The following IKZF2 variants were observed in gnomAD, a reference collection of about 807,000 sequenced individuals.
IKZF2 encodes IKAROS family zinc finger 2, also known as zinc finger protein Helios.
IKZF2 carries 15 observed loss-of-function variants against 49.2 expected under a neutral mutation model. The ratio of observed to expected loss-of-function variants is 0.30; its 90% CI spans 0.20 to 0.47. IKZF2 has a LOEUF of 0.47. IKZF2 is among the 20% of genes least tolerant of loss of function. The pLI is 1.00. For synonymous variants in IKZF2, 227 were observed against 221.4 expected (o/e 1.03, Z -0.23); for missense variants, 567 against 664.6 (o/e 0.85, Z 1.61).
chr2:213,147,511 A>G (rs372100944), intron 4 of IKZF2, 197 bp downstream of exon 4: 1 of 675,998 alleles, frequency 1.5e-6, no homozygotes, highest in South Asian at 1.6e-5. Context: ...CCACCTTGGG[A>G]TAGTTCAGAC....
At chr2:213,126,966 A>G (rs1220842659) in intron 4 of IKZF2, among the ~76,000 whole-genome samples, 1 of 152,228 alleles carries the variant, frequency 6.6e-6, no homozygotes, top group Non-Finnish European at 1.5e-5. Flanking sequence ...CAGCCCATAC[A>G]GCATTCTGAC....
At chr2:213,080,451 G>T (rs531218411) in intron 4 of IKZF2, among the ~76,000 whole-genome samples, 6 of 152,116 alleles carry the variant, frequency 3.9e-5, no homozygotes, top group Non-Finnish European at 5.9e-5. Context: ...ATCAATCAAT[G>T]AATGGGGGAG....
chr2:213,102,753 T>C (rs954017660), intron 4 of IKZF2, among the ~76,000 whole-genome samples: 1 of 152,082 alleles, frequency 6.6e-6, no homozygotes, highest in Non-Finnish European at 1.5e-5. Context: ...CTATTCTTCT[T>C]GTCATATTTC....
rs554228275 is a variant in IKZF2, at chr2:213,060,353, G to A, written c.140-3254C>T. 2.0e-5 allele frequency among the ~76,000 whole-genome samples: 3 copies of A among 151,138 alleles called. No individual in the cohort carries two copies. In the South Asian group the frequency reaches 6.2e-4, roughly 31 times the overall value. On this transcript the variant is annotated intron_variant, in intron 4 of 8. Transcript: ENST00000434687. ...ATATAAGACTTTTGTTATAATATTC[G>A]TAGCTACACTATATGATGCCACAAC...
chr2:213,030,150 T>C (rs942190098), intron 6 of IKZF2, among the ~76,000 whole-genome samples: 3 of 152,140 alleles, frequency 2.0e-5, no homozygotes, highest in Non-Finnish European at 4.4e-5. Context: ...GTTTAGAGGT[T>C]TTACATTTTC....
At chr2:213,040,554 C>A (rs973404505) in intron 6 of IKZF2, among the ~76,000 whole-genome samples, 7 of 151,974 alleles carry the variant, frequency 4.6e-5, no homozygotes, top group African/African-American at 1.7e-4. Context: ...TTAGAAAAAA[C>A]ATGTAATTCT....
chr2:213,075,329 G>C (rs16849666), intron 4 of IKZF2, among the ~76,000 whole-genome samples: 7,394 of 152,154 alleles, frequency 0.049, 314 homozygotes, highest in African/African-American at 0.12. Context: ...CTTCAAATTA[G>C]GGTATCAGCT....
rs1188193323 is a variant in IKZF2 at position 213,007,622 on chromosome 2, T to A, written c.1319A>T (p.Asp440Val). 1.2e-6 allele frequency: 2 copies of A among 1,613,752 alleles called. No individual in the cohort carries two copies. Among genetic ancestry groups the A allele is most frequent in the Non-Finnish European group, 1.7e-6 (2 of 1,179,760 alleles). The change falls in exon 9 of 9, where the codon GAT becomes GTT. Residue 440 changes from aspartate (D) to valine (V), a missense_variant. Asp to Val is a radical substitution (Grantham distance 152). This residue lies in a region of IKZF2 where 310 missense variants were observed against 326.9 expected (regional missense o/e 0.95). Coordinates refer to ENST00000434687, the MANE Select transcript of IKZF2 (RefSeq NM_001387220.1). ...CTTGGTAGTATCCAAAGCTTTGACA[T>A]CCTCCTTCATGTAAGCTGGGCTTTG... Reference protein sequence around the residue: ...RKQSPAYMKEDVKALDTTKAP... With the variant: ...RKQSPAYMKEVVKALDTTKAP...
intron 7 of IKZF2, chr2:213,021,471 T>C (rs1294751633): frequency 4.5e-6 from 1 of 221,940 alleles, no homozygotes; most frequent in Non-Finnish European, 8.9e-6. Context: ...CTACCTGCCG[T>C]AGTGTATTTA....
chr2:213,025,938 C>A (rs1262164523), intron 6 of IKZF2, among the ~76,000 whole-genome samples: 1 of 152,142 alleles, frequency 6.6e-6, no homozygotes, highest in African/African-American at 2.4e-5. Flanking sequence ...CAATCAACGT[C>A]CTAGTTCAGG....
intron 4 of IKZF2, among the ~76,000 whole-genome samples, chr2:213,120,265 A>G (rs1292406960): frequency 6.6e-6 from 1 of 152,246 alleles, no homozygotes; most frequent in Non-Finnish European, 1.5e-5. Flanking sequence ...GAATACTATA[A>G]TAGATACATG....
chr2:213,040,877 G>A (rs1288324545), intron 6 of IKZF2, among the ~76,000 whole-genome samples: 1 of 152,160 alleles, frequency 6.6e-6, no homozygotes, highest in Non-Finnish European at 1.5e-5. Flanking sequence ...CAGCACTTTG[G>A]GAGGCTGAGG....
intron 2 of IKZF2, among the ~76,000 whole-genome samples, 153 bp from the exon 3 acceptor site, chr2:213,148,797 G>A (rs528906216): frequency 6.6e-6 from 1 of 152,180 alleles, no homozygotes; most frequent in African/African-American, 2.4e-5. Flanking sequence ...GTGCTCATTT[G>A]CAAGTCACTG....
At chr2:213,062,556 A>C (rs1701800578) in intron 4 of IKZF2, among the ~76,000 whole-genome samples, 1 of 151,896 alleles carries the variant, frequency 6.6e-6, no homozygotes, top group Non-Finnish European at 1.5e-5. Flanking sequence ...TGTGGAACAG[A>C]AGATAGTAAA....
chr2:213,041,013 G>A (rs921967181), intron 6 of IKZF2, among the ~76,000 whole-genome samples: 1 of 152,026 alleles, frequency 6.6e-6, no homozygotes, highest in South Asian at 2.1e-4. Flanking sequence ...AGCTACTTGG[G>A]AGGCTGAGGC....
chr2:213,022,492 T>C (rs1697331803), intron 6 of IKZF2, among the ~76,000 whole-genome samples: 1 of 103,292 alleles, frequency 9.7e-6, no homozygotes, highest in Non-Finnish European at 2.3e-5. Flanking sequence ...ACATCAAGAG[T>C]TGTGGTTTTT....
intron 4 of IKZF2, among the ~76,000 whole-genome samples, chr2:213,132,158 G>A (rs2060494636): frequency 6.6e-6 from 1 of 152,020 alleles, no homozygotes; most frequent in South Asian, 2.1e-4. Flanking sequence ...TATCCCAGTC[G>A]GTTAGGTGCT....
intron 4 of IKZF2, among the ~76,000 whole-genome samples, chr2:213,096,412 T>G (rs1219168849): frequency 6.6e-6 from 1 of 151,874 alleles, no homozygotes; most frequent in Non-Finnish European, 1.5e-5. Context: ...TTTTTAACAT[T>G]TTAGCATGTT....
intron 4 of IKZF2, among the ~76,000 whole-genome samples, chr2:213,122,260 T>G (rs1349000203): frequency 6.6e-6 from 1 of 152,246 alleles, no homozygotes; most frequent in Non-Finnish European, 1.5e-5. Flanking sequence ...GCAGAGACTA[T>G]TTTAGTGATT....
Sources: allele counts gnomAD v4.1 joint callset (sites outside exome capture counted in the v4.1 genomes callset), GRCh38; gene constraint gnomAD v4.1.1; regional missense constraint gnomAD v4.1.1; transcripts MANE v1.5; gene names NCBI Gene and HGNC (gene_info 2026-07-23, HGNC 2026-07-21).